ADCY10: variants seen among roughly 807,000 people sequenced by gnomAD.
The protein encoded by ADCY10 is adenylate cyclase type 10.
In ADCY10, 156 loss-of-function variants were observed where a neutral mutation model predicts 183.3. The observed-to-expected ratio is 0.85, with a 90% CI of 0.75 to 0.97. ADCY10 has a LOEUF of 0.97. Among genes scored for constraint, ADCY10 ranks in the 50% least tolerant of loss-of-function variants. The probability of loss-of-function intolerance (pLI) is 0.00; values close to 1 mark genes in which losing one functional copy is unlikely to be tolerated. For missense variants in ADCY10, 1,745 were observed against 1,934.3 expected (o/e 0.90, Z 1.84); for synonymous variants, 645 against 670.0 (o/e 0.96, Z 0.58).
At chr1:167,897,517 G>GTATATA (rs1415937620) in intron 6 of ADCY10, among the ~76,000 whole-genome samples, 6 of 69,004 alleles carry the variant, frequency 8.7e-5, no homozygotes, top group African/African-American at 2.1e-4. Flanking sequence ...ATATATATAT[G>GTATATA]TATATATATA....
At chr1:167,882,513 C>T (rs756753152) in intron 9 of ADCY10, among the ~76,000 whole-genome samples, 44 of 145,458 alleles carry the variant, frequency 3.0e-4, no homozygotes, top group African/African-American at 1.1e-3. Flanking sequence ...AAGAACAGAG[C>T]GAAAACACCT....
At chr1:167,890,148 T>C (rs1177409592) in intron 8 of ADCY10, among the ~76,000 whole-genome samples, 3 of 152,182 alleles carry the variant, frequency 2.0e-5, no homozygotes, top group Admixed American at 6.5e-5. Flanking sequence ...ATTGAAGAGT[T>C]AGGTATTTAT....
intron 26 of ADCY10, among the ~76,000 whole-genome samples, chr1:167,827,236 C>G (rs1050465947): frequency 1.3e-5 from 2 of 151,666 alleles, no homozygotes; most frequent in East Asian, 3.9e-4. Context: ...GGAGTGATCT[C>G]TGCTCACTGC....
intron 3 of ADCY10, among the ~76,000 whole-genome samples, chr1:167,903,323 G>T (rs998688302): frequency 2.6e-5 from 4 of 151,500 alleles, no homozygotes; most frequent in Admixed American, 6.6e-5. Flanking sequence ...CAGCACTTTG[G>T]GGGGCTGAGG....
intron 30 of ADCY10, 137 bp downstream of exon 30, chr1:167,821,887 T>C (rs898571834): frequency 1.4e-6 from 1 of 720,714 alleles, no homozygotes; most frequent in Non-Finnish European, 2.5e-6. Flanking sequence ...CATGTCTCTC[T>C]GTGTAAATAT....
chr1:167,893,985 G>A (rs1462792000), intron 7 of ADCY10, 44 bp from the exon 8 acceptor site: 2 of 1,412,116 alleles, frequency 1.4e-6, no homozygotes, highest in Non-Finnish European at 1.0e-6. Flanking sequence ...AGGGAAGTTT[G>A]GCTCTGCAGT....
intron 16 of ADCY10, 146 bp from the exon 17 acceptor site, chr1:167,856,585 A>G (rs1404902464): frequency 1.2e-5 from 10 of 807,334 alleles, no homozygotes; most frequent in Non-Finnish European, 6.1e-6. Flanking sequence ...TCTTTCCAGT[A>G]ACTTTGCATT....
intron 21 of ADCY10, 64 bp from the exon 22 acceptor site, chr1:167,837,382 T>C (rs1664293907): frequency 1.4e-6 from 2 of 1,392,154 alleles, no homozygotes; most frequent in South Asian, 1.2e-5. Flanking sequence ...AGATATCTGC[T>C]GTCTACCCAA....
intron 29 of ADCY10, 74 bp downstream of exon 29, chr1:167,822,934 C>G (rs1022234520): frequency 1.9e-5 from 25 of 1,345,544 alleles, no homozygotes; most frequent in Non-Finnish European, 2.5e-5. Flanking sequence ...AAGCCCCAAC[C>G]TGAGAGCTGC....
At chr1:167,823,693 A>C (rs78278549) in intron 28 of ADCY10, among the ~76,000 whole-genome samples, 82 of 152,326 alleles carry the variant, frequency 5.4e-4, no homozygotes, top group African/African-American at 1.8e-3. Context: ...GGTCCTTCTC[A>C]GTAATTCGGA....
chr1:167,811,374 G>T (rs1326925214), intron 31 of ADCY10, among the ~76,000 whole-genome samples: 1 of 152,070 alleles, frequency 6.6e-6, no homozygotes, highest in African/African-American at 2.4e-5. Context: ...GGATCACAAG[G>T]TCAAGAGATC....
At chr1:167,852,367 G>A (rs203799) in intron 18 of ADCY10, among the ~76,000 whole-genome samples, 16 of 151,780 alleles carry the variant, frequency 1.1e-4, no homozygotes, top group African/African-American at 3.4e-4. Context: ...CTGCTTGAGC[G>A]CAGGAGACGG....
rs1343302691 is a variant in ADCY10, at chr1:167,846,143, T to C, written c.2558A>G (p.Asn853Ser). Residue 853 changes from asparagine (N) to serine (S), a missense_variant, in exon 20 of 33, where the codon AAT (asparagine) becomes AGT (serine). Coordinates refer to ENST00000367851, the MANE Select transcript of ADCY10 (RefSeq NM_018417.6). Reference sequence around the variant, plus strand: ...CAGGGTCTTGATCATCATCTTCATATTCCAACAGGGGAGAATCTCAAACAA... The same window carrying C: ...CAGGGTCTTGATCATCATCTTCATACTCCAACAGGGGAGAATCTCAAACAA... ...ELLFEILPCW[N>S]MKMMIKTLAT... 5 of 1,614,070 alleles carry C rather than the reference T, an allele frequency of 3.1e-6. No individual in the cohort carries two copies. Among genetic ancestry groups the C allele is most frequent in the Non-Finnish European group, 4.2e-6 (5 of 1,180,046 alleles).
chr1:167,908,186 A>T (rs1205558273), intron 1 of ADCY10, among the ~76,000 whole-genome samples: 4 of 152,246 alleles, frequency 2.6e-5, no homozygotes, highest in African/African-American at 9.6e-5. Context: ...TAAAGAAAAC[A>T]TTGGATAATG....
intron 30 of ADCY10, chr1:167,821,075 T>C (rs1662881895): frequency 1.3e-5 from 2 of 152,234 alleles, no homozygotes; most frequent in African/African-American, 2.4e-5. Context: ...ATAATTAAGA[T>C]AGGAAATAAA....
At chr1:167,833,316 A>C (rs1663918129) in intron 24 of ADCY10, among the ~76,000 whole-genome samples, 154 bp from the exon 25 acceptor site, 2 of 152,206 alleles carry the variant, frequency 1.3e-5, no homozygotes, top group South Asian at 4.1e-4. Flanking sequence ...ATAATAGAAA[A>C]TGTCTATTGG....
At chr1:167,848,152 G>A (rs1326761633) in intron 19 of ADCY10, among the ~76,000 whole-genome samples, 3 of 151,940 alleles carry the variant, frequency 2.0e-5, no homozygotes, top group Non-Finnish European at 4.4e-5. Context: ...CGCCTCCCAG[G>A]TTCAAGCAAT....
intron 23 of ADCY10, chr1:167,834,546 G>A (rs1171895189): frequency 4.0e-6 from 1 of 250,924 alleles, no homozygotes; most frequent in African/African-American, 2.2e-5. Context: ...TTGGGAGGTG[G>A]ATGAGGAAGT....
chr1:167,853,824 T>A (rs1183120046), intron 18 of ADCY10, among the ~76,000 whole-genome samples: 1 of 143,186 alleles, frequency 7.0e-6, no homozygotes, highest in East Asian at 2.0e-4. Flanking sequence ...ATTTCTACTA[T>A]AGTTACTTTT....
Sources: gnomAD v4.1 joint callset for allele counts (sites outside exome capture counted in the v4.1 genomes callset) on GRCh38, gnomAD v4.1.1 for gene constraint, MANE v1.5 for transcripts, NCBI Gene and HGNC (gene_info 2026-07-23, HGNC 2026-07-21) for gene names.